The following CHODL variants were observed in gnomAD, a reference collection of about 807,000 sequenced individuals.
CHODL encodes transmembrane protein MT75.
In CHODL, 29 loss-of-function variants were observed where a neutral mutation model predicts 34.5. The observed-to-expected ratio is 0.84, with a 90% CI of 0.63 to 1.15. The LOEUF (loss-of-function observed/expected upper bound fraction) is 1.15. Ranked by LOEUF, CHODL falls within the 50% of genes most tolerant of loss-of-function variation. The pLI is 0.00. For synonymous variants in CHODL, 125 were observed against 116.1 expected (o/e 1.08, Z -0.49); for missense variants, 332 against 332.5 (o/e 1.00, Z 0.01).
Position 18,238,611 on chromosome 21 carries a change from G to A in CHODL, c.-44-17898G>A, listed in dbSNP as rs2074052077. On this transcript the variant is annotated intron_variant, in intron 2 of 6. Coordinates refer to the CHODL transcript ENST00000400127. ...ATGTGGTTATGTGAAAGTTCAGGGAGGGGTTGCTGTGGATGGGTGGTGGAA... is the reference window on the plus strand; with the variant it reads ...ATGTGGTTATGTGAAAGTTCAGGGAAGGGTTGCTGTGGATGGGTGGTGGAA... Among the ~76,000 whole-genome samples the A allele has an allele frequency of 3.9e-5, 6 of 152,176 alleles. No homozygotes were observed. The South Asian group carries it at 1.2e-3, about 32-fold the overall frequency.
Position 18,158,566 on chromosome 21 carries a change from G to A in CHODL, c.-44-97943G>A, listed in dbSNP as rs1000079388. 3.3e-5 allele frequency among the ~76,000 whole-genome samples: 5 copies of A among 152,090 alleles called. No individual in the cohort carries two copies. The South Asian group carries it at 6.2e-4, about 19-fold the overall frequency. On this transcript the variant is annotated intron_variant, in intron 2 of 6. Transcript: ENST00000400127. ...TCAAGAAAAGCATGCGGCCTGGCAC[G>A]GTGGCTCATGCCTGTAATCCCAGCA...
chr21:18,107,984 G>A (rs1368722054), intron 2 of CHODL, among the ~76,000 whole-genome samples: 8 of 152,176 alleles, frequency 5.3e-5, no homozygotes, highest in Non-Finnish European at 8.8e-5. Flanking sequence ...CATCTACAGT[G>A]TAGAATAGTT....
At chr21:18,087,069 C>A (rs2065016485) in intron 2 of CHODL, among the ~76,000 whole-genome samples, 1 of 152,292 alleles carries the variant, frequency 6.6e-6, no homozygotes, top group Admixed American at 6.5e-5. Context: ...TCTAAGTGTG[C>A]TTATGAGAGC....
intron 1 of CHODL, among the ~76,000 whole-genome samples, chr21:17,976,788 T>C (rs961179051): frequency 6.6e-6 from 1 of 152,228 alleles, no homozygotes; most frequent in African/African-American, 2.4e-5. Context: ...ATTTTTGTTA[T>C]TCAGGCTGCA....
intron 2 of CHODL, among the ~76,000 whole-genome samples, chr21:18,158,964 G>A (rs904235915): frequency 6.6e-6 from 1 of 152,044 alleles, no homozygotes; most frequent in South Asian, 2.1e-4. Flanking sequence ...AAGTAGATTC[G>A]GTTTTTACCA....
intron 2 of CHODL, among the ~76,000 whole-genome samples, chr21:18,028,277 C>CTT (rs377144650): frequency 0.54 from 53,437 of 98,322 alleles, 15,828 homozygotes; most frequent in Middle Eastern, 0.66. Context: ...TTTCCTTTTC[C>CTT]CCTTCCTTCC....
chr21:18,010,932 A>AAGTTTCT (rs2064013363), intron 1 of CHODL, among the ~76,000 whole-genome samples: 1 of 152,192 alleles, frequency 6.6e-6, no homozygotes, highest in Non-Finnish European at 1.5e-5. Flanking sequence ...AGTATAAGAA[A>AAGTTTCT]AGTATTAACA....
intron 2 of CHODL, among the ~76,000 whole-genome samples, chr21:18,108,544 A>C (rs192914558): frequency 2.0e-5 from 3 of 152,330 alleles, no homozygotes; most frequent in African/African-American, 7.2e-5. Flanking sequence ...CTAATGACTG[A>C]TCTGACAATA....
rs533083576 is a variant in CHODL, at chr21:18,049,845, T to C, written c.-45+21874T>C. On this transcript the variant is annotated intron_variant, in intron 2 of 6. Coordinates refer to the CHODL transcript ENST00000400127. ...TTATGGGGTCCTGGGGGTTAGGACT[T>C]CAACACATGAATTTTTTGGGAAACG... 3.3e-5 allele frequency among the ~76,000 whole-genome samples: 5 copies of C among 152,108 alleles called. No individual in the cohort carries two copies. In the South Asian group the frequency reaches 8.3e-4, roughly 25 times the overall value.
chr21:18,204,576 T>C lies in CHODL; in HGVS notation c.-44-51933T>C, dbSNP rs574621498. On this transcript the variant is annotated intron_variant, in intron 2 of 6. Transcript: ENST00000400127. ...GGTAAATAAATGTCAGTAATGATAC[T>C]AATACTTCCACAAATGGATTGCAAC... 2.8e-4 allele frequency among the ~76,000 whole-genome samples: 42 copies of C among 152,276 alleles called. No individual in the cohort carries two copies. The South Asian group carries it at 8.1e-3, about 29-fold the overall frequency.
At chr21:18,171,496 C>T (rs1045768986) in intron 2 of CHODL, among the ~76,000 whole-genome samples, 3 of 151,988 alleles carry the variant, frequency 2.0e-5, no homozygotes, top group Non-Finnish European at 4.4e-5. Flanking sequence ...CGTGAGCCAC[C>T]GCGCCCGGCC....
Position 17,982,884 on chromosome 21 carries a change from C to G in CHODL, c.-144-44988C>G, listed in dbSNP as rs571207187. Among the ~76,000 whole-genome samples the G allele has an allele frequency of 7.9e-5, 12 of 151,586 alleles. No individual in the cohort carries two copies. The East Asian group carries it at 1.2e-3, about 15-fold the overall frequency. ...AACCACCCACTCCCTCCAACCCCCC[C>G]CAGCTAATTTTTGTATTTTTAGTAG... On this transcript the variant is annotated intron_variant, in intron 1 of 6. Transcript: ENST00000400127.
At chr21:18,079,885 T>C (rs1188748102) in intron 2 of CHODL, among the ~76,000 whole-genome samples, 1 of 151,676 alleles carries the variant, frequency 6.6e-6, no homozygotes, top group Non-Finnish European at 1.5e-5. Context: ...GGCAGTCCTA[T>C]ATTCAGTTCT....
At chr21:18,053,080 T>C (rs1340659300) in intron 2 of CHODL, among the ~76,000 whole-genome samples, 3 of 152,054 alleles carry the variant, frequency 2.0e-5, no homozygotes, top group Non-Finnish European at 4.4e-5. Context: ...AAGCTCTTTA[T>C]GGATTGTCTA....
Position 18,245,945 on chromosome 21 carries a change from G to A in CHODL, c.79+643G>A, listed in dbSNP as rs8129797. The A allele has an allele frequency of 3.0e-3, 4,555 of 1,535,290 alleles. 107 individuals are homozygous for A. In the African/African-American group the frequency reaches 0.05, roughly 17 times the overall value. Reference sequence around the variant, plus strand: ...CTGGAGTTGGGCCGAGGTATACTTGGTAATGACTGCAGGTTCGGCACACAG... The same window carrying A: ...CTGGAGTTGGGCCGAGGTATACTTGATAATGACTGCAGGTTCGGCACACAG... On this transcript the variant is annotated intron_variant, in intron 1 of 5. Transcript: ENST00000299295.
At chr21:18,046,668 T>G (rs1157946695) in intron 2 of CHODL, among the ~76,000 whole-genome samples, 1 of 151,994 alleles carries the variant, frequency 6.6e-6, no homozygotes, top group African/African-American at 2.4e-5. Flanking sequence ...AAATTTTAGA[T>G]AGCATTACTT....
intron 2 of CHODL, among the ~76,000 whole-genome samples, chr21:18,145,353 C>T (rs989994248): frequency 1.8e-4 from 24 of 136,682 alleles, no homozygotes; most frequent in Non-Finnish European, 1.5e-5. Flanking sequence ...AGGAGAATGG[C>T]GTGAACCCGG....
chr21:17,938,817 C>T (rs1344758832), intron 1 of CHODL, among the ~76,000 whole-genome samples: 1 of 152,198 alleles, frequency 6.6e-6, no homozygotes. Flanking sequence ...CCAAGCTCTT[C>T]TGCAAATTCC....
chr21:18,065,623 C>G (rs548158513), intron 2 of CHODL, among the ~76,000 whole-genome samples: 1 of 152,090 alleles, frequency 6.6e-6, no homozygotes, highest in African/African-American at 2.4e-5. Flanking sequence ...AGAAAAGAAC[C>G]AGACAGAGCA....
Sources: allele counts gnomAD v4.1 joint callset (sites outside exome capture counted in the v4.1 genomes callset), GRCh38; gene constraint gnomAD v4.1.1; transcripts MANE v1.5; gene names NCBI Gene and HGNC (gene_info 2026-07-23, HGNC 2026-07-21).